PIEZO2: variants seen among roughly 807,000 people sequenced by gnomAD.
PIEZO2 encodes piezo-type mechanosensitive ion channel component 2.
A neutral mutation model predicts 337.3 loss-of-function variants in PIEZO2; 172 were observed. The observed-to-expected ratio is 0.51, with a 90% confidence interval of 0.45 to 0.58. The LOEUF is 0.58. PIEZO2 is among the 20% of genes least tolerant of loss of function. PIEZO2 has a pLI of 0.00. For synonymous variants in PIEZO2, 1,251 were observed against 1,228.5 expected (o/e 1.02, Z -0.38); for missense variants, 3,028 against 3,391.3 (o/e 0.89, Z 2.66).
At chr18:10,857,566 C>T (rs1238828193) in intron 5 of PIEZO2, among the ~76,000 whole-genome samples, 4 of 152,076 alleles carry the variant, frequency 2.6e-5, no homozygotes, top group African/African-American at 9.7e-5. Context: ...ACAGAGTTGG[C>T]CACCAAGGTG....
At position 10,872,720 on chromosome 18, in the gene PIEZO2, A is replaced by G. The variant is rs1179293300; in HGVS notation, c.330-1305T>C. 6.6e-6 allele frequency among the ~76,000 whole-genome samples: 1 copy of G among 152,186 alleles called. No individual in the cohort carries two copies. Among genetic ancestry groups the G allele is most frequent in the Non-Finnish European group, 1.5e-5 (1 of 68,022 alleles). ...CTATTACTATTATTAAAGCCACATG[A>G]AGAGCGATTCCCGGCATGTTCTCTG... On this transcript the variant is annotated intron_variant, in intron 4 of 55. Coordinates refer to ENST00000674853, the MANE Select transcript of PIEZO2 (RefSeq NM_001378183.1). This position sits in a 1 kb window ranked among gnomAD's most constrained non-coding sequence, Gnocchi z 4.3.
rs9959126 is a variant in PIEZO2 at position 11,078,647 on chromosome 18, C to A, written c.65-12425G>T. Among the ~76,000 whole-genome samples the A allele has an allele frequency of 0.13, 19,913 of 152,218 alleles. 1,606 individuals are homozygous for A. Among genetic ancestry groups the A allele is most frequent in the African/African-American group, 0.23 (9,416 of 41,510 alleles). On this transcript the variant is annotated intron_variant, in intron 1 of 55. Coordinates refer to ENST00000674853, the MANE Select transcript of PIEZO2 (RefSeq NM_001378183.1). The surrounding 1 kb of genome is among the most constrained non-coding windows in gnomAD (Gnocchi z 5.3). ...TATGGCATGAATTCAGCCTTGGACTCTGTCTGGGGATTATGCTTATGATAC... is the reference window on the plus strand; with the variant it reads ...TATGGCATGAATTCAGCCTTGGACTATGTCTGGGGATTATGCTTATGATAC...
intron 32 of PIEZO2, 31 bp from the exon 33 acceptor site, chr18:10,741,133 G>A (rs754927140): frequency 2.5e-4 from 382 of 1,498,294 alleles, no homozygotes; most frequent in Non-Finnish European, 2.8e-4. Context: ...ATATTAATTC[G>A]TATAAAGTGA....
rs1252517136 is a variant in PIEZO2, at chr18:11,032,732, C to T, written c.160+33395G>A. ...GCATGTGTGTGTGTGAATATGTGCACACATACAGATGTAGAGTTTTCTAGA... is the reference window on the plus strand; with the variant it reads ...GCATGTGTGTGTGTGAATATGTGCATACATACAGATGTAGAGTTTTCTAGA... On this transcript the variant is annotated intron_variant, in intron 2 of 55. Coordinates refer to ENST00000674853, the MANE Select transcript of PIEZO2 (RefSeq NM_001378183.1). This position sits in a 1 kb window ranked among gnomAD's most constrained non-coding sequence, Gnocchi z 4.9. Among the ~76,000 whole-genome samples the T allele has an allele frequency of 1.3e-5, 2 of 152,208 alleles. No individual in the cohort carries two copies. Among genetic ancestry groups the T allele is most frequent in the African/African-American group, 4.8e-5 (2 of 41,450 alleles).
At chr18:10,790,892 G>C (rs1451587519) in intron 14 of PIEZO2, among the ~76,000 whole-genome samples, 1 of 152,076 alleles carries the variant, frequency 6.6e-6, no homozygotes, top group African/African-American at 2.4e-5. Flanking sequence ...TTTTAGTAAA[G>C]GCGGGTTTTC....
rs947539369 is a variant in PIEZO2, at chr18:11,083,256, T to C, written c.65-17034A>G. On this transcript the variant is annotated intron_variant, in intron 1 of 55. Transcript: ENST00000674853. This position sits in a 1 kb window ranked among gnomAD's most constrained non-coding sequence, Gnocchi z 4.4. Reference sequence around the variant, plus strand: ...AAATGACTTAAATGTTTTAACTTCATTTTATGTCCAGCTACTCTAAAAAGC... The same window carrying C: ...AAATGACTTAAATGTTTTAACTTCACTTTATGTCCAGCTACTCTAAAAAGC... Among the ~76,000 whole-genome samples, 4 of 152,270 alleles carry C rather than the reference T, an allele frequency of 2.6e-5. No homozygotes were observed. Among genetic ancestry groups the C allele is most frequent in the Non-Finnish European group, 4.4e-5 (3 of 68,052 alleles).
rs776938221 is a variant in PIEZO2, at chr18:10,696,454, G to A, written c.6913C>T (p.Leu2305Phe). Residue 2305 changes from leucine to phenylalanine, a missense_variant, in exon 46 of 56, where the codon CTC becomes TTC. Transcript: ENST00000674853. ...EYSAVTDVYV[L>F]MFLADTVDFI... ...TCCACAGTGTCAGCCAGGAACATGA[G>A]TACATACACGTCAGTCACGGCGCTA... The A allele has an allele frequency of 6.2e-7, 1 of 1,614,244 alleles. No individual in the cohort carries two copies.
chr18:10,784,856 T>C lies in PIEZO2; in HGVS notation c.2420A>G (p.Tyr807Cys). Reference protein sequence around the residue: ...FLLVCILHLHYFHDRFLELTD... With the variant: ...FLLVCILHLHCFHDRFLELTD... Reference sequence around the variant, plus strand: ...GAGTTCAAGGAACCGGTCATGGAAGTAGTGCAGGTGTAAAATGCACACCAG... The same window carrying C: ...GAGTTCAAGGAACCGGTCATGGAAGCAGTGCAGGTGTAAAATGCACACCAG... The change falls in exon 17 of 56, where the codon TAC becomes TGC. Residue 807 changes from tyrosine (Y) to cysteine (C), a missense_variant. Around this residue, in one of 5 missense-constraint regions of PIEZO2, gnomAD observed 1,925 missense variants for 2,051.9 expected, o/e 0.94. Transcript: ENST00000674853. This position sits in a 1 kb window ranked among gnomAD's most constrained non-coding sequence, Gnocchi z 4.5. The C allele has an allele frequency of 6.5e-7, 1 of 1,537,712 alleles. No homozygotes were observed. The highest frequency in any genetic ancestry group is 8.7e-7 in the Non-Finnish European group (1 of 1,146,992).
At chr18:10,704,318 G>A in intron 42 of PIEZO2, 76 bp downstream of exon 42, 4 of 1,493,180 alleles carry the variant, frequency 2.7e-6, no homozygotes, top group Non-Finnish European at 3.6e-6. Context: ...CTCAAGAGAG[G>A]GCACAGGGAC....
In PIEZO2 at chr18:11,111,931, G is replaced by A. The variant is rs935519057; in HGVS notation, c.64+36594C>T. Among the ~76,000 whole-genome samples, 6 of 152,156 alleles carry A rather than the reference G, an allele frequency of 3.9e-5. No homozygotes were observed. The highest frequency in any genetic ancestry group is 1.2e-4 in the African/African-American group (5 of 41,448). The stretch of plus-strand genomic sequence containing the variant: ...ATAAAACACAAGATCTCAAAGAAAC[G>A]ATCTTCTGCAGGCCACTTCATGAGT... On this transcript the variant is annotated intron_variant, in intron 1 of 55. Transcript: ENST00000674853. The surrounding 1 kb of genome is among the most constrained non-coding windows in gnomAD (Gnocchi z 6.2).
At chr18:10,934,883 T>C (rs1039076929) in intron 3 of PIEZO2, among the ~76,000 whole-genome samples, 1 of 152,202 alleles carries the variant, frequency 6.6e-6, no homozygotes, top group African/African-American at 2.4e-5. Context: ...TTAATCCTCA[T>C]GTCTACTACA....
rs1388747474 is a variant in PIEZO2 at position 10,982,037 on chromosome 18, T to G, written c.161-2377A>C. Among the ~76,000 whole-genome samples the G allele has an allele frequency of 2.0e-5, 3 of 152,166 alleles. No individual in the cohort carries two copies. The highest frequency in any genetic ancestry group is 1.3e-4 in the Admixed American group (2 of 15,280). On this transcript the variant is annotated intron_variant, in intron 2 of 55. Transcript: ENST00000674853. The surrounding 1 kb of genome is among the most constrained non-coding windows in gnomAD (Gnocchi z 4.1). Reference sequence around the variant, plus strand: ...CAAATACCTCCCATCAGGCCCCACCTTTAGCATTGGGGGTCAAATTTCAAC... The same window carrying G: ...CAAATACCTCCCATCAGGCCCCACCGTTAGCATTGGGGGTCAAATTTCAAC...
intron 53 of PIEZO2, among the ~76,000 whole-genome samples, chr18:10,675,952 C>T (rs994761980): frequency 1.3e-5 from 2 of 152,198 alleles, no homozygotes; most frequent in African/African-American, 2.4e-5. Context: ...GATTGTGAGG[C>T]CTCCCCAGCC....
At chr18:10,711,418 A>T (rs2035814545) in intron 39 of PIEZO2, among the ~76,000 whole-genome samples, 1 of 152,238 alleles carries the variant, frequency 6.6e-6, no homozygotes. Flanking sequence ...GGAGGCCTAT[A>T]AAACCCTTGA....
intron 36 of PIEZO2, 124 bp from the exon 37 acceptor site, chr18:10,718,383 CT>C: frequency 1.3e-6 from 1 of 786,184 alleles, no homozygotes; most frequent in African/African-American, 1.7e-5. Flanking sequence ...TCAAGAGTTC[CT>C]TGGGGAAAGG....
At chr18:10,857,789 C>T (rs2041749808) in intron 5 of PIEZO2, among the ~76,000 whole-genome samples, 2 of 152,160 alleles carry the variant, frequency 1.3e-5, no homozygotes, top group Admixed American at 6.5e-5. Flanking sequence ...GTTCAAGCCT[C>T]GGCAGCTCAG....
Position 10,821,129 on chromosome 18 carries a change from C to T in PIEZO2, c.918-13855G>A, listed in dbSNP as rs145053265. Reference sequence around the variant, plus strand: ...CATTACTCTGTGCCACAAATATCAGCCTTCTCATCCTCTCCAAATTCCCAT... The same window carrying T: ...CATTACTCTGTGCCACAAATATCAGTCTTCTCATCCTCTCCAAATTCCCAT... On this transcript the variant is annotated intron_variant, in intron 7 of 55. Coordinates refer to ENST00000674853, the MANE Select transcript of PIEZO2 (RefSeq NM_001378183.1). The surrounding 1 kb of genome is among the most constrained non-coding windows in gnomAD (Gnocchi z 4.2). Among the ~76,000 whole-genome samples the T allele has an allele frequency of 1.6e-3, 251 of 152,168 alleles. 2 individuals are homozygous for T. The highest frequency in any genetic ancestry group is 5.8e-3 in the African/African-American group (240 of 41,538).
At chr18:10,762,469 A>C (rs945801757) in intron 23 of PIEZO2, 31 bp downstream of exon 23, 1 of 1,530,414 alleles carries the variant, frequency 6.5e-7, no homozygotes. Context: ...AACGGAGTGG[A>C]GGCCCAAACT....
At chr18:10,723,763 C>G (rs758593092) in intron 36 of PIEZO2, among the ~76,000 whole-genome samples, 4 of 152,056 alleles carry the variant, frequency 2.6e-5, no homozygotes, top group South Asian at 2.1e-4. Flanking sequence ...GATGACCACT[C>G]GAAAGATCCC....
Sources: gnomAD v4.1 joint callset for allele counts (sites outside exome capture counted in the v4.1 genomes callset) on GRCh38, gnomAD v4.1.1 for gene constraint, gnomAD v4.1.1 regional missense constraint, Gnocchi (gnomAD v3.1) non-coding constraint, MANE v1.5 for transcripts, NCBI Gene and HGNC (gene_info 2026-07-23, HGNC 2026-07-21) for gene names.